The following NTRK2 variants were observed in gnomAD, a reference collection of about 807,000 sequenced individuals.
NTRK2 encodes the protein neurotrophic receptor tyrosine kinase 2, also known as BDNF/NT-3 growth factors receptor.
Under a neutral mutation model 94.5 loss-of-function variants are expected in NTRK2, and 13 were observed. The ratio of observed to expected loss-of-function variants is 0.14; its 90% CI spans 0.09 to 0.22. The LOEUF (loss-of-function observed/expected upper bound fraction) is 0.22. NTRK2 is among the 10% of genes least tolerant of loss of function. NTRK2 has a pLI of 1.00. For synonymous variants in NTRK2, 372 were observed against 407.4 expected, an observed-to-expected ratio of 0.91 and a Z score of 1.05; for missense variants, 639 against 1,071.2, an observed-to-expected ratio of 0.60 and a Z score of 5.63.
intron 2 of NTRK2, among the ~76,000 whole-genome samples, chr9:84,678,939 T>A (rs567259420): frequency 6.6e-6 from 1 of 152,326 alleles, no homozygotes; most frequent in African/African-American, 2.4e-5. Flanking sequence ...TGAAACTCAG[T>A]CACCAGGGTA....
rs563627964 is a variant in NTRK2 at position 85,017,540 on chromosome 9, G to T, written c.2173-2666G>T. On this transcript the variant is annotated intron_variant, in intron 17 of 18. Transcript: ENST00000277120. ...GTCTTACCTGAGACATATATAAATG[G>T]TTATCTCTCCCACAAACATACATTC... 2.6e-5 allele frequency among the ~76,000 whole-genome samples: 4 copies of T among 152,270 alleles called. No homozygotes were observed. The East Asian group carries it at 7.7e-4, about 29-fold the overall frequency.
intron 13 of NTRK2, 145 bp from the exon 14 acceptor site, chr9:84,867,098 A>G: frequency 1.3e-6 from 1 of 743,424 alleles, no homozygotes; most frequent in Non-Finnish European, 2.2e-6. Context: ...TCCTACAAGT[A>G]GATTATAGTG....
intron 2 of NTRK2, among the ~76,000 whole-genome samples, chr9:84,677,405 G>A (rs1415552659): frequency 6.6e-6 from 1 of 152,136 alleles, no homozygotes; most frequent in East Asian, 1.9e-4. Context: ...ACCATTTTAT[G>A]TGTTGTTCGT....
At chr9:84,767,497 C>A (rs963531745) in intron 12 of NTRK2, among the ~76,000 whole-genome samples, 1 of 152,190 alleles carries the variant, frequency 6.6e-6, no homozygotes, top group Non-Finnish European at 1.5e-5. Flanking sequence ...ACTTTGCCGT[C>A]TTTGTCTGAA....
intron 2 of NTRK2, among the ~76,000 whole-genome samples, chr9:84,698,981 G>C (rs551532380): frequency 1.3e-5 from 2 of 152,126 alleles, no homozygotes; most frequent in South Asian, 2.1e-4. Flanking sequence ...ATGACTACAC[G>C]TAGTAGCTTA....
chr9:84,867,528 A>G, intron 14 of NTRK2, 97 bp downstream of exon 14: 1 of 1,034,988 alleles, frequency 9.7e-7, no homozygotes, highest in Non-Finnish European at 1.5e-6. Context: ...CTGGCGGGGA[A>G]CAGGGTGCAG....
At chr9:84,964,924 G>T (rs577217241) in intron 17 of NTRK2, among the ~76,000 whole-genome samples, 15 of 152,248 alleles carry the variant, frequency 9.9e-5, no homozygotes, top group African/African-American at 3.6e-4. Flanking sequence ...TTCTCTCATC[G>T]CTTTAAGACA....
At chr9:84,909,203 C>T (rs1254287849) in intron 14 of NTRK2, among the ~76,000 whole-genome samples, 1 of 152,090 alleles carries the variant, frequency 6.6e-6, no homozygotes. Context: ...AAAAATTACA[C>T]TCAGGACAAT....
At chr9:84,936,014 G>T (rs1304714048) in intron 15 of NTRK2, among the ~76,000 whole-genome samples, 2 of 152,162 alleles carry the variant, frequency 1.3e-5, no homozygotes, top group African/African-American at 4.8e-5. Context: ...CTGGATTTGT[G>T]TTCTGGGTGC....
intron 8 of NTRK2, among the ~76,000 whole-genome samples, chr9:84,726,212 T>A (rs990585311): frequency 2.6e-5 from 4 of 152,136 alleles, no homozygotes; most frequent in Admixed American, 6.5e-5. Context: ...ACTGGCTGGG[T>A]GTGGTGGCTC....
chr9:85,013,896 G>A (rs1289645088), intron 17 of NTRK2, among the ~76,000 whole-genome samples: 1 of 152,140 alleles, frequency 6.6e-6, no homozygotes, highest in Non-Finnish European at 1.5e-5. Flanking sequence ...AGCTGAAAGT[G>A]GCCTCCCAGG....
intron 15 of NTRK2, among the ~76,000 whole-genome samples, chr9:84,939,412 T>C (rs1035292653): frequency 5.3e-5 from 8 of 152,210 alleles, no homozygotes; most frequent in Admixed American, 2.0e-4. Flanking sequence ...CCAGTGCTCA[T>C]TGGGTACCAT....
At chr9:84,783,542 A>G (rs1212188427) in intron 12 of NTRK2, among the ~76,000 whole-genome samples, 1 of 152,136 alleles carries the variant, frequency 6.6e-6, no homozygotes, top group Non-Finnish European at 1.5e-5. Context: ...CTTTGGAGGG[A>G]AAATGTGAAG....
At chr9:84,940,175 C>T (rs2078357404) in intron 15 of NTRK2, among the ~76,000 whole-genome samples, 1 of 152,058 alleles carries the variant, frequency 6.6e-6, no homozygotes, top group South Asian at 2.1e-4. Flanking sequence ...AGTATTGTTT[C>T]CCTGGAAGAA....
chr9:84,919,172 T>C (rs1402685052), intron 14 of NTRK2, among the ~76,000 whole-genome samples: 1 of 152,182 alleles, frequency 6.6e-6, no homozygotes, highest in African/African-American at 2.4e-5. Context: ...CTACTTTGCC[T>C]CTCTGCCCAT....
At chr9:84,873,871 CA>C in intron 14 of NTRK2, 2 of 1,060,408 alleles carry the variant, frequency 1.9e-6, no homozygotes, top group Non-Finnish European at 1.1e-6. Context: ...AAAAGAAAAA[CA>C]AAAATAAAGA....
intron 14 of NTRK2, among the ~76,000 whole-genome samples, chr9:84,931,367 A>G (rs2078019889): frequency 6.6e-6 from 1 of 151,688 alleles, no homozygotes; most frequent in Non-Finnish European, 1.5e-5. Flanking sequence ...AGATTGTTCC[A>G]CTGCACTCCA....
chr9:84,940,708 C>G (rs1773516157), intron 15 of NTRK2, among the ~76,000 whole-genome samples: 1 of 151,426 alleles, frequency 6.6e-6, no homozygotes, highest in Admixed American at 6.6e-5. Context: ...ACAAGAAAAG[C>G]ACATTCTCTC....
At chr9:84,774,188 G>A (rs1302399554) in intron 12 of NTRK2, among the ~76,000 whole-genome samples, 2 of 152,154 alleles carry the variant, frequency 1.3e-5, no homozygotes, top group African/African-American at 4.8e-5. Flanking sequence ...CACTGGGAGG[G>A]GATATTCAGG....
Sources: gnomAD v4.1 joint callset for allele counts (sites outside exome capture counted in the v4.1 genomes callset) on GRCh38, gnomAD v4.1.1 for gene constraint, MANE v1.5 for transcripts, NCBI Gene and HGNC (gene_info 2026-07-23, HGNC 2026-07-21) for gene names.